ZNF277: variants seen among roughly 807,000 people sequenced by gnomAD.
ZNF277 encodes the protein zinc finger protein 277.
In ZNF277, 55 loss-of-function variants were observed where a neutral mutation model predicts 60.7. That is an observed-to-expected ratio of 0.91 (90% CI 0.73 to 1.13). The LOEUF (loss-of-function observed/expected upper bound fraction) is 1.13. ZNF277 is among the 50% of genes most tolerant of loss of function. ZNF277 has a pLI of 0.00. For missense variants in ZNF277, 510 were observed against 523.0 expected, an observed-to-expected ratio of 0.98 and a Z score of 0.24; for synonymous variants, 178 against 179.3, an observed-to-expected ratio of 0.99 and a Z score of 0.06.
At chr7:112,335,616 G>A (rs1431904409) in intron 7 of ZNF277, among the ~76,000 whole-genome samples, 1 of 152,082 alleles carries the variant, frequency 6.6e-6, no homozygotes, top group Non-Finnish European at 1.5e-5. Context: ...TTTTGAGGTA[G>A]AATCTAAATT....
chr7:112,259,495 T>C (rs1026847649), intron 1 of ZNF277, among the ~76,000 whole-genome samples: 3 of 152,192 alleles, frequency 2.0e-5, no homozygotes, highest in African/African-American at 7.2e-5. Context: ...TTTATTACTT[T>C]AATAGAGGAT....
chr7:112,278,970 C>G (rs1027478458), intron 1 of ZNF277, among the ~76,000 whole-genome samples: 3 of 152,134 alleles, frequency 2.0e-5, no homozygotes, highest in Non-Finnish European at 4.4e-5. Flanking sequence ...CTACATACCT[C>G]ATATAAGTAG....
chr7:112,228,740 C>T (rs1372579234), intron 1 of ZNF277, among the ~76,000 whole-genome samples: 1 of 152,026 alleles, frequency 6.6e-6, no homozygotes, highest in Non-Finnish European at 1.5e-5. Flanking sequence ...GTTGACAGAT[C>T]ACTATAAACT....
At chr7:112,221,747 T>C (rs1822037173) in intron 1 of ZNF277, among the ~76,000 whole-genome samples, 1 of 152,062 alleles carries the variant, frequency 6.6e-6, no homozygotes, top group Non-Finnish European at 1.5e-5. Context: ...ATGCTGACAC[T>C]AATCTGACAG....
At chr7:112,231,037 AC>A (rs2116977432) in intron 1 of ZNF277, among the ~76,000 whole-genome samples, 1 of 151,994 alleles carries the variant, frequency 6.6e-6, no homozygotes, top group African/African-American at 2.4e-5. Context: ...ACATAGTGAA[AC>A]CCCGTCTCTA....
intron 4 of ZNF277, among the ~76,000 whole-genome samples, chr7:112,303,962 T>A (rs1431628712): frequency 6.6e-6 from 1 of 152,136 alleles, no homozygotes; most frequent in Non-Finnish European, 1.5e-5. Flanking sequence ...CTGATATCTT[T>A]CAAGAAGGTG....
chr7:112,253,683 G>A (rs1791244670), intron 1 of ZNF277, among the ~76,000 whole-genome samples: 1 of 152,050 alleles, frequency 6.6e-6, no homozygotes, highest in Non-Finnish European at 1.5e-5. Context: ...ATCCTGCAAT[G>A]TTATTTCTGC....
chr7:112,314,777 CAG>C (rs1792807412), intron 4 of ZNF277, among the ~76,000 whole-genome samples: 1 of 152,030 alleles, frequency 6.6e-6, no homozygotes, highest in African/African-American at 2.4e-5. Context: ...GCCTGGCTGA[CAG>C]AGTGAGACTC....
intron 4 of ZNF277, among the ~76,000 whole-genome samples, chr7:112,316,919 T>C (rs1792858200): frequency 6.6e-6 from 1 of 152,004 alleles, no homozygotes; most frequent in African/African-American, 2.4e-5. Context: ...CCATCAATGA[T>C]AGACTGGATA....
chr7:112,208,239 G>A (rs915890171), intron 1 of ZNF277, among the ~76,000 whole-genome samples: 1 of 152,108 alleles, frequency 6.6e-6, no homozygotes, highest in Non-Finnish European at 1.5e-5. Flanking sequence ...GCCGGGCGTG[G>A]TGGCGGATGC....
chr7:112,296,959 G>A (rs1283779953), intron 4 of ZNF277, among the ~76,000 whole-genome samples: 8 of 58,888 alleles, frequency 1.4e-4, no homozygotes, highest in East Asian at 5.4e-4. Flanking sequence ...ATGGAGTCTC[G>A]CTCTGTTGCC....
chr7:112,222,310 G>C (rs1822051765), intron 1 of ZNF277, among the ~76,000 whole-genome samples: 1 of 152,186 alleles, frequency 6.6e-6, no homozygotes, highest in Non-Finnish European at 1.5e-5. Context: ...GACATCGTTA[G>C]GTCTTGGGCT....
In ZNF277 at chr7:112,327,693, C is replaced by T. The variant is rs148099029; in HGVS notation, c.558-24C>T. ...GTTCTTAGATGATTTGTGAATAATCCTAATTGCTCAAATTTCTTCCTAGAT... is the reference window on the plus strand; with the variant it reads ...GTTCTTAGATGATTTGTGAATAATCTTAATTGCTCAAATTTCTTCCTAGAT... On this transcript the variant is annotated intron_variant, in intron 5 of 11. Coordinates refer to ENST00000361822, the MANE Select transcript of ZNF277 (RefSeq NM_021994.3). 2.6e-4 allele frequency: 410 copies of T among 1,569,388 alleles called. 7 individuals carry two copies. In the East Asian group the frequency reaches 9.1e-3, roughly 35 times the overall value.
chr7:112,248,103 T>C (rs1303778653), intron 1 of ZNF277, among the ~76,000 whole-genome samples: 1 of 152,168 alleles, frequency 6.6e-6, no homozygotes, highest in Non-Finnish European at 1.5e-5. Context: ...ATTTCCACCT[T>C]GGAGAGTTGG....
chr7:112,228,312 A>G (rs1267604324), intron 1 of ZNF277, among the ~76,000 whole-genome samples: 1 of 152,134 alleles, frequency 6.6e-6, no homozygotes, highest in Non-Finnish European at 1.5e-5. Flanking sequence ...TTGGGGCTCT[A>G]GGTAAACATG....
chr7:112,252,955 T>C (rs2117012080), intron 1 of ZNF277, among the ~76,000 whole-genome samples: 1 of 152,306 alleles, frequency 6.6e-6, no homozygotes, highest in Non-Finnish European at 1.5e-5. Context: ...ACCAAGGCTT[T>C]TGTCCTTGAG....
At chr7:112,336,891 G>T (rs994474263) in intron 8 of ZNF277, among the ~76,000 whole-genome samples, 1 of 152,126 alleles carries the variant, frequency 6.6e-6, no homozygotes, top group South Asian at 2.1e-4. Context: ...GACACAAAAG[G>T]TTATAAATAG....
Position 112,239,662 on chromosome 7 carries a change from A to G in ZNF277, c.91+32855A>G, listed in dbSNP as rs936032482. ...TTGTCAACACCAGACCTGTCCTACAAGACATGCTAAAGGGAGTTATTCAGT... is the reference window on the plus strand; with the variant it reads ...TTGTCAACACCAGACCTGTCCTACAGGACATGCTAAAGGGAGTTATTCAGT... On this transcript the variant is annotated intron_variant, in intron 1 of 11. Coordinates refer to ENST00000361822, the MANE Select transcript of ZNF277 (RefSeq NM_021994.3). Among the ~76,000 whole-genome samples, 7 of 152,242 alleles carry G rather than the reference A, an allele frequency of 4.6e-5. No individual in the cohort carries two copies. The South Asian group carries it at 1.0e-3, about 22-fold the overall frequency.
chr7:112,234,847 G>A (rs1296280903), intron 1 of ZNF277, among the ~76,000 whole-genome samples: 1 of 151,806 alleles, frequency 6.6e-6, no homozygotes, highest in Non-Finnish European at 1.5e-5. Context: ...AAGGAAAGCT[G>A]AGCATCTTAT....
Sources: gnomAD v4.1 joint callset for allele counts (sites outside exome capture counted in the v4.1 genomes callset) on GRCh38, gnomAD v4.1.1 for gene constraint, MANE v1.5 for transcripts, NCBI Gene and HGNC (gene_info 2026-07-23, HGNC 2026-07-21) for gene names.